The following BFSP1 variants were observed in gnomAD, a reference collection of about 807,000 sequenced individuals.
BFSP1 encodes beaded filament structural protein 1, also known as filensin.
BFSP1 carries 38 observed loss-of-function variants against 43.9 expected under a neutral mutation model. The ratio of observed to expected loss-of-function variants is 0.87; its 90% confidence interval spans 0.67 to 1.14. BFSP1 has a LOEUF of 1.14. BFSP1 is among the 50% of genes most tolerant of loss of function. BFSP1 has a pLI of 0.00. For missense variants in BFSP1, 850 were observed against 875.1 expected, an observed-to-expected ratio of 0.97 and a Z score of 0.36; for synonymous variants, 352 against 354.8, an observed-to-expected ratio of 0.99 and a Z score of 0.09.
intron 2 of BFSP1, among the ~76,000 whole-genome samples, chr20:17,523,559 G>A (rs1039308576): frequency 6.6e-6 from 1 of 151,428 alleles, no homozygotes; most frequent in African/African-American, 2.4e-5. Context: ...ACAGGCTCGA[G>A]GCCATCGTTT....
intron 1 of BFSP1, among the ~76,000 whole-genome samples, chr20:17,567,419 G>A (rs1207108463): frequency 6.6e-6 from 1 of 152,102 alleles, no homozygotes; most frequent in Admixed American, 6.5e-5. Context: ...AATAATTACA[G>A]AGCTACAGTA....
chr20:17,530,600 G>T (rs1248644519), intron 1 of BFSP1, among the ~76,000 whole-genome samples: 4 of 152,226 alleles, frequency 2.6e-5, no homozygotes, highest in Non-Finnish European at 5.9e-5. Context: ...GAACTTTCAG[G>T]GGTAGTGGAA....
chr20:17,505,751 G>A (rs1225687218), intron 5 of BFSP1, among the ~76,000 whole-genome samples: 2 of 152,198 alleles, frequency 1.3e-5, no homozygotes, highest in Non-Finnish European at 2.9e-5. Flanking sequence ...TTCTCAGTGT[G>A]GCTCCTGGAC....
chr20:17,540,710 C>T (rs1164946393), intron 1 of BFSP1, among the ~76,000 whole-genome samples: 2 of 152,168 alleles, frequency 1.3e-5, no homozygotes, highest in East Asian at 1.9e-4. Context: ...GCATCACCTC[C>T]GGGTGCCTCT....
upstream of BFSP1, among the ~76,000 whole-genome samples, chr20:17,563,574 C>T (rs986097284): frequency 4.6e-5 from 7 of 151,926 alleles, no homozygotes; most frequent in African/African-American, 1.7e-4. Context: ...CTTCTGACCT[C>T]AGGTGATCCA....
At chr20:17,537,815 G>A (rs886226122) in intron 1 of BFSP1, among the ~76,000 whole-genome samples, 15 of 152,030 alleles carry the variant, frequency 9.9e-5, no homozygotes, top group African/African-American at 3.6e-4. Flanking sequence ...ATTGTATTAC[G>A]ACATGTAAGA....
At chr20:17,505,067 A>C (rs911201295) in intron 5 of BFSP1, among the ~76,000 whole-genome samples, 3 of 152,188 alleles carry the variant, frequency 2.0e-5, no homozygotes, top group African/African-American at 7.2e-5. Flanking sequence ...TTAAAAAGTG[A>C]CTTTCTTTAC....
intron 1 of BFSP1, among the ~76,000 whole-genome samples, chr20:17,528,557 G>A (rs1373337831): frequency 6.6e-6 from 1 of 152,166 alleles, no homozygotes; most frequent in Non-Finnish European, 1.5e-5. Flanking sequence ...TGGGCCTTAG[G>A]CTGCAGGAGT....
chr20:17,538,133 AAAG>A lies in BFSP1; in HGVS notation c.3-13228_3-13226del, dbSNP rs199736009. On this transcript the variant is annotated intron_variant, in intron 1 of 7. Transcript: ENST00000377868. ...GACACTGTGTCTCAAAAGAAAAAAA[AAAG>A]AAAGAGAGAAAGGAAAGGAAAGGAA... 6.7e-3 allele frequency among the ~76,000 whole-genome samples: 1,012 copies of A among 150,768 alleles called. 16 individuals carry two copies. The highest frequency in any genetic ancestry group is 0.019 in the East Asian group (96 of 5,164).
chr20:17,510,586 T>C (rs1265319615), intron 4 of BFSP1, among the ~76,000 whole-genome samples: 1 of 152,232 alleles, frequency 6.6e-6, no homozygotes, highest in Non-Finnish European at 1.5e-5. Flanking sequence ...GATGATACTT[T>C]GCAGGGTTCA....
At chr20:17,568,860 G>C (rs1395232986) in intron 1 of BFSP1, among the ~76,000 whole-genome samples, 1 of 151,918 alleles carries the variant, frequency 6.6e-6, no homozygotes, top group Non-Finnish European at 1.5e-5. Flanking sequence ...AATTAAAATA[G>C]TTTTGGTCGA....
chr20:17,519,498 T>C (rs113000859), intron 2 of BFSP1, among the ~76,000 whole-genome samples: 10 of 152,330 alleles, frequency 6.6e-5, no homozygotes, highest in East Asian at 3.9e-4. Flanking sequence ...CAGTGCATCA[T>C]TGAACTCGTG....
intron 1 of BFSP1, among the ~76,000 whole-genome samples, chr20:17,537,880 G>A (rs181850772): frequency 1.1e-3 from 174 of 152,256 alleles, no homozygotes; most frequent in African/African-American, 3.9e-3. Flanking sequence ...CACTTTGGGA[G>A]GTCGAGGCAG....
chr20:17,546,065 A>G (rs1480715810), intron 1 of BFSP1, among the ~76,000 whole-genome samples: 2 of 152,214 alleles, frequency 1.3e-5, no homozygotes, highest in Non-Finnish European at 2.9e-5. Context: ...GGTCTGGATC[A>G]AGACCACTGT....
chr20:17,563,427 C>T (rs1350892591), upstream of BFSP1, among the ~76,000 whole-genome samples: 6 of 127,978 alleles, frequency 4.7e-5, no homozygotes, highest in African/African-American at 1.2e-4. Flanking sequence ...GACAGAGTCT[C>T]GTGCTGTTGC....
At chr20:17,526,605 T>C (rs1323611807) in intron 1 of BFSP1, among the ~76,000 whole-genome samples, 2 of 152,246 alleles carry the variant, frequency 1.3e-5, no homozygotes, top group Non-Finnish European at 2.9e-5. Flanking sequence ...TTTTAGCTAT[T>C]GTGAACAGTG....
intron 1 of BFSP1, among the ~76,000 whole-genome samples, chr20:17,548,000 C>T (rs1454727029): frequency 1.3e-5 from 2 of 149,772 alleles, no homozygotes; most frequent in Non-Finnish European, 3.0e-5. Context: ...CTGCCTGCCT[C>T]AGCCTCCGAC....
rs2035035419 is a variant in BFSP1 at position 17,558,711 on chromosome 20, C to A, written c.-22G>T. The A allele has an allele frequency of 1.9e-6, 3 of 1,551,934 alleles. No individual in the cohort carries two copies. In the East Asian group the frequency reaches 7.3e-5, roughly 38 times the overall value. On this transcript the variant is annotated 5_prime_UTR_variant, in exon 1 of 8. Coordinates refer to the BFSP1 transcript ENST00000377868. The stretch of plus-strand genomic sequence containing the variant: ...ACATACTTTCTCCAGCATGGAGGCT[C>A]CTTCTGTGAAATTTGAAAATCCATT...
At chr20:17,519,527 A>G (rs1000636498) in intron 2 of BFSP1, among the ~76,000 whole-genome samples, 1 of 152,248 alleles carries the variant, frequency 6.6e-6, no homozygotes, top group African/African-American at 2.4e-5. Context: ...TTAGTGGAAG[A>G]TAACAGGCCT....
Sources: allele counts gnomAD v4.1 joint callset (sites outside exome capture counted in the v4.1 genomes callset), GRCh38; gene constraint gnomAD v4.1.1; transcripts MANE v1.5; gene names NCBI Gene and HGNC (gene_info 2026-07-23, HGNC 2026-07-21).